The following MTREX variants were observed in gnomAD, a reference collection of about 807,000 sequenced individuals.
MTREX encodes Mtr4 exosome RNA helicase, also known as exosome RNA helicase MTR4.
Under a neutral mutation model 135.4 loss-of-function variants are expected in MTREX, and 76 were observed. The observed-to-expected ratio is 0.56, with a 90% CI of 0.47 to 0.68. MTREX has a LOEUF of 0.68. Among genes scored for constraint, MTREX ranks in the 30% least tolerant of loss-of-function variants. The pLI is 0.00. For synonymous variants in MTREX, 404 were observed against 401.6 expected, an observed-to-expected ratio of 1.01 and a Z score of -0.07; for missense variants, 920 against 1,262.1, an observed-to-expected ratio of 0.73 and a Z score of 4.11.
chr5:55,309,407 G>T (rs1384335537), intron 1 of MTREX, among the ~76,000 whole-genome samples: 1 of 152,122 alleles, frequency 6.6e-6, no homozygotes, highest in Non-Finnish European at 1.5e-5. Flanking sequence ...TAGACAGTGA[G>T]AAAGTAAATT....
At chr5:55,387,824 A>G (rs1750502732) in intron 18 of MTREX, 150 bp from the exon 19 acceptor site, 5 of 501,862 alleles carry the variant, frequency 1.0e-5, no homozygotes, top group Non-Finnish European at 1.5e-5. Flanking sequence ...CCAGAGAGAC[A>G]GTTTTCATTT....
At chr5:55,346,967 G>A in intron 10 of MTREX, 46 bp from the exon 11 acceptor site, 1 of 1,476,174 alleles carries the variant, frequency 6.8e-7, no homozygotes, top group South Asian at 1.3e-5. Flanking sequence ...TTAGATCTGT[G>A]ATCTATTTTG....
In MTREX at chr5:55,369,090, CCACCAAAAATTGTATTAATAATAAAT is replaced by C. The variant is rs541333586; in HGVS notation, c.1810+2216_1810+2241del. ...TAAAAGAGCTATAAATCCCTTTCTC[CCACCAAAAATTGTATTAATAATAAAT>C]TTTATTTTATTTTATTAAAAATAAA... On this transcript the variant is annotated intron_variant, in intron 16 of 26. Coordinates refer to ENST00000230640, the MANE Select transcript of MTREX (RefSeq NM_015360.5). Among the ~76,000 whole-genome samples the C allele has an allele frequency of 3.2e-3, 479 of 151,288 alleles. 5 individuals are homozygous for C. The Middle Eastern group carries it at 0.041, about 13-fold the overall frequency.
At chr5:55,384,111 C>G (rs1750441111) in intron 18 of MTREX, among the ~76,000 whole-genome samples, 1 of 152,254 alleles carries the variant, frequency 6.6e-6, no homozygotes, top group African/African-American at 2.4e-5. Flanking sequence ...TTTTCTAAAC[C>G]TCTCCCCTGG....
intron 24 of MTREX, among the ~76,000 whole-genome samples, chr5:55,414,716 C>A (rs2111620496): frequency 6.6e-6 from 1 of 152,284 alleles, no homozygotes; most frequent in Admixed American, 6.5e-5. Flanking sequence ...GTGGCGTGAT[C>A]TGGGCTCACT....
At chr5:55,315,583 G>A (rs1276712476) in intron 1 of MTREX, among the ~76,000 whole-genome samples, 1 of 152,076 alleles carries the variant, frequency 6.6e-6, no homozygotes, top group Non-Finnish European at 1.5e-5. Context: ...GCGGCATAGA[G>A]CAATAGTTAA....
chr5:55,425,023 G>T lies in MTREX; in HGVS notation c.*251G>T. 1.2e-6 allele frequency: 1 copy of T among 828,514 alleles called. No homozygotes were observed. The highest frequency in any genetic ancestry group is 1.9e-6 in the Non-Finnish European group (1 of 534,888). The allele number at this position is 828,514 out of a possible 1,614,324, so 51.3% of individuals were successfully genotyped here. ...TTGGAGTTTTTTTAATGAGTTTAGA[G>T]CTATTAGATAACCACTGAGTTAAAG... On this transcript the variant is annotated 3_prime_UTR_variant, in exon 27 of 27. Transcript: ENST00000230640.
intron 1 of MTREX, among the ~76,000 whole-genome samples, chr5:55,317,044 C>A (rs111686774): frequency 6.6e-6 from 1 of 151,688 alleles, no homozygotes; most frequent in Non-Finnish European, 1.5e-5. Flanking sequence ...ACACCTCCCC[C>A]CTCCCACACA....
chr5:55,363,225 GA>G (rs1750045868), intron 15 of MTREX, among the ~76,000 whole-genome samples: 2 of 152,132 alleles, frequency 1.3e-5, no homozygotes, highest in Non-Finnish European at 2.9e-5. Flanking sequence ...GAAGAAGTGG[GA>G]AGACTCACAT....
intron 5 of MTREX, among the ~76,000 whole-genome samples, chr5:55,332,825 A>C (rs1309367394): frequency 6.6e-6 from 1 of 152,208 alleles, no homozygotes; most frequent in African/African-American, 2.4e-5. Context: ...TCTAAATCAT[A>C]GTAGTGATCA....
At chr5:55,421,250 T>C (rs981986391) in intron 25 of MTREX, among the ~76,000 whole-genome samples, 1 of 152,226 alleles carries the variant, frequency 6.6e-6, no homozygotes, top group African/African-American at 2.4e-5. Flanking sequence ...GTAGGAGAGA[T>C]GCTAGACAAT....
chr5:55,366,537 AT>A (rs903348523), intron 15 of MTREX, among the ~76,000 whole-genome samples, 187 bp from the exon 16 acceptor site: 7 of 151,074 alleles, frequency 4.6e-5, no homozygotes, highest in East Asian at 1.9e-4. Flanking sequence ...TTTCATACTG[AT>A]TTTTTTTTCC....
At chr5:55,353,602 C>G (rs1749863109) in intron 14 of MTREX, among the ~76,000 whole-genome samples, 1 of 152,114 alleles carries the variant, frequency 6.6e-6, no homozygotes, top group Non-Finnish European at 1.5e-5. Context: ...ACTTGAGAGG[C>G]TGAGGTGGAA....
chr5:55,414,152 T>G, intron 23 of MTREX, 30 bp from the exon 24 acceptor site: 2 of 1,518,920 alleles, frequency 1.3e-6, no homozygotes, highest in Admixed American at 4.8e-5. Context: ...AACGTGGGTT[T>G]TTATATCTTG....
At chr5:55,383,031 A>G (rs1210695262) in intron 18 of MTREX, among the ~76,000 whole-genome samples, 3 of 152,078 alleles carry the variant, frequency 2.0e-5, no homozygotes, top group African/African-American at 4.8e-5. Flanking sequence ...TTTTGGTTCT[A>G]TTTGTTCCTG....
intron 18 of MTREX, among the ~76,000 whole-genome samples, chr5:55,387,267 T>G (rs1002011227): frequency 2.0e-5 from 3 of 152,134 alleles, no homozygotes; most frequent in Non-Finnish European, 4.4e-5. Context: ...AGAAATAGAT[T>G]GTAGAAATGG....
intron 7 of MTREX, among the ~76,000 whole-genome samples, chr5:55,342,000 G>A (rs954889153): frequency 1.1e-4 from 16 of 152,078 alleles, no homozygotes; most frequent in Non-Finnish European, 1.5e-5. Context: ...ATCATGGTTC[G>A]CTGCAGCCTT....
At chr5:55,418,087 A>G (rs1317692625) in intron 25 of MTREX, among the ~76,000 whole-genome samples, 1 of 151,654 alleles carries the variant, frequency 6.6e-6, no homozygotes, top group African/African-American at 2.4e-5. Context: ...ACAAAAAATT[A>G]GCTGGGTGTG....
intron 11 of MTREX, among the ~76,000 whole-genome samples, chr5:55,348,124 T>C (rs1015475705): frequency 6.6e-6 from 1 of 152,152 alleles, no homozygotes; most frequent in Non-Finnish European, 1.5e-5. Context: ...TTATTTCTTA[T>C]AGTTTGAGAG....
Sources: gnomAD v4.1 joint callset for allele counts (sites outside exome capture counted in the v4.1 genomes callset) on GRCh38, gnomAD v4.1.1 for gene constraint, MANE v1.5 for transcripts, NCBI Gene and HGNC (gene_info 2026-07-23, HGNC 2026-07-21) for gene names.